ELMO2: variants seen among roughly 807,000 people sequenced by gnomAD.
ELMO2 encodes engulfment and cell motility protein 2.
In ELMO2, 37 loss-of-function variants were observed where a neutral mutation model predicts 96.2. That is an observed-to-expected ratio of 0.38 (90% CI 0.30 to 0.51). The LOEUF is 0.51. Among genes scored for constraint, ELMO2 ranks in the 20% least tolerant of loss-of-function variants. ELMO2 has a pLI of 0.88. For synonymous variants in ELMO2, 315 were observed against 329.4 expected (o/e 0.96, Z 0.47); for missense variants, 561 against 912.6 (o/e 0.61, Z 4.96).
At chr20:46,383,729 A>C (rs1600851522) in intron 9 of ELMO2, among the ~76,000 whole-genome samples, 1 of 152,230 alleles carries the variant, frequency 6.6e-6, no homozygotes, top group East Asian at 1.9e-4. Flanking sequence ...CGTTTCATTA[A>C]AGTACTACTT....
intron 1 of ELMO2, among the ~76,000 whole-genome samples, chr20:46,400,253 C>T (rs1600894118): frequency 6.6e-6 from 1 of 152,196 alleles, no homozygotes; most frequent in Non-Finnish European, 1.5e-5. Flanking sequence ...AAGAGGAAAA[C>T]CTCCCTCTGC....
chr20:46,383,932 T>TG (rs2059998927), intron 9 of ELMO2, among the ~76,000 whole-genome samples: 1 of 152,224 alleles, frequency 6.6e-6, no homozygotes, highest in African/African-American at 2.4e-5. Flanking sequence ...CTAAGTGGTA[T>TG]TTTTTCCAAA....
At chr20:46,376,437 TC>T (rs2059861000) in intron 11 of ELMO2, among the ~76,000 whole-genome samples, 1 of 151,786 alleles carries the variant, frequency 6.6e-6, no homozygotes, top group African/African-American at 2.4e-5. Context: ...TGACTCTCCC[TC>T]CCCACTGTCT....
intron 8 of ELMO2, among the ~76,000 whole-genome samples, chr20:46,387,067 G>A (rs561636377): frequency 1.3e-5 from 2 of 152,262 alleles, no homozygotes; most frequent in Middle Eastern, 3.4e-3. Flanking sequence ...TTGACTGGCT[G>A]GCTTTATCCC....
Position 46,389,107 on chromosome 20 carries a change from C to T in ELMO2, c.357G>A (p.Glu119=). 6.2e-7 allele frequency: 1 copy of T among 1,614,106 alleles called. No homozygotes were observed. Among genetic ancestry groups the T allele is most frequent in the South Asian group, 1.1e-5 (1 of 91,070 alleles). ...CAATGATGCCATCCATGTTGATGAA[C>T]TCAGTAGCGAAAGTCACGTCGGCAG... ...KLSADVTFAT[E]FINMDGIIVL... The change falls in exon 7 of 22, where the codon GAG becomes GAA. Residue 119 remains glutamate (E), a synonymous_variant. Coordinates refer to ENST00000290246, the MANE Select transcript of ELMO2 (RefSeq NM_133171.5).
chr20:46,400,329 A>G (rs2060314846), intron 1 of ELMO2, among the ~76,000 whole-genome samples: 1 of 152,264 alleles, frequency 6.6e-6, no homozygotes, highest in Admixed American at 6.5e-5. Flanking sequence ...TCTCCAGATA[A>G]TATTCCCAGG....
At chr20:46,402,053 T>C (rs762810416) in intron 1 of ELMO2, among the ~76,000 whole-genome samples, 1 of 152,184 alleles carries the variant, frequency 6.6e-6, no homozygotes, top group Non-Finnish European at 1.5e-5. Context: ...TTCAAGTGCA[T>C]GTTCAAGTCT....
rs984947650 is a variant in ELMO2, at chr20:46,368,877, G to A, written c.1962+14C>T. The A allele has an allele frequency of 3.7e-6, 6 of 1,613,902 alleles. No individual in the cohort carries two copies. The highest frequency in any genetic ancestry group is 1.1e-5 in the South Asian group (1 of 91,086). ...AAATAGCTCTGTTGTCTAAGGCAGC[G>A]CCACACTGCTCACCTCATATTTATT... On this transcript the variant is annotated intron_variant, in intron 21 of 21. Coordinates refer to ENST00000290246, the MANE Select transcript of ELMO2 (RefSeq NM_133171.5).
chr20:46,373,640 C>T, intron 15 of ELMO2, 105 bp from the exon 16 acceptor site: 1 of 1,445,062 alleles, frequency 6.9e-7, no homozygotes. Context: ...CAAAAGCAGC[C>T]TAAGGCGCGC....
In ELMO2 at chr20:46,383,607, A is replaced by G. The variant is rs2059993915; in HGVS notation, c.678-113T>C. ...AGATTATAAGCAAATAATGATCTGG[A>G]GCTCAGTCTCAAAAGCATTCAAAGT... On this transcript the variant is annotated intron_variant, in intron 9 of 21. Coordinates refer to ENST00000290246, the MANE Select transcript of ELMO2 (RefSeq NM_133171.5). 4.8e-6 allele frequency: 5 copies of G among 1,048,346 alleles called. No homozygotes were observed. The South Asian group carries it at 6.5e-5, about 14-fold the overall frequency. The allele number at this position is 1,048,346 out of a possible 1,614,324, so 64.9% of individuals were successfully genotyped here. A position where few individuals can be genotyped will look rare whatever the true frequency, so the allele number is the denominator to read the frequency against.
intron 11 of ELMO2, chr20:46,376,582 G>C: frequency 3.1e-6 from 4 of 1,272,176 alleles, no homozygotes; most frequent in Non-Finnish European, 4.1e-6. Flanking sequence ...GTCTCCCTCG[G>C]TCTGTCCTAG....
chr20:46,394,968 C>G (rs1420083054), intron 2 of ELMO2, among the ~76,000 whole-genome samples: 2 of 152,164 alleles, frequency 1.3e-5, no homozygotes, highest in African/African-American at 4.8e-5. Flanking sequence ...TAGGAAGATC[C>G]CAGCATCAGC....
chr20:46,387,607 G>A, intron 7 of ELMO2, 170 bp from the exon 8 acceptor site: 1 of 178,926 alleles, frequency 5.6e-6, no homozygotes, highest in African/African-American at 2.9e-5. Context: ...GTGTAGAGCA[G>A]ATTCAGCCCA....
At chr20:46,400,629 A>ATGAT (rs1232442247) in intron 1 of ELMO2, among the ~76,000 whole-genome samples, 11 of 152,262 alleles carry the variant, frequency 7.2e-5, no homozygotes, top group Admixed American at 4.6e-4. Context: ...AGATATAAGG[A>ATGAT]TGATTTGGAA....
At position 46,375,887 on chromosome 20, in the gene ELMO2, G is replaced by A; in HGVS notation, c.808-97C>T. On this transcript the variant is annotated intron_variant, in intron 11 of 21. Transcript: ENST00000290246. The surrounding 1 kb of genome is among the most constrained non-coding windows in gnomAD (Gnocchi z 4.6). ...GGAAAAGGAATGTATGTTGGGAAGG[G>A]AACAGAGCTTTCCTCCCACACACGA... 8 of 1,500,272 alleles carry A rather than the reference G, an allele frequency of 5.3e-6. No individual in the cohort carries two copies. Among genetic ancestry groups the A allele is most frequent in the Non-Finnish European group, 7.3e-6 (8 of 1,101,942 alleles). The allele number at this position is 1,500,272 out of a possible 1,614,324, so 92.9% of individuals were successfully genotyped here. A position where few individuals can be genotyped will look rare whatever the true frequency, so the allele number is the denominator to read the frequency against.
intron 6 of ELMO2, 121 bp from the exon 7 acceptor site, chr20:46,389,341 A>G: frequency 1.0e-6 from 1 of 1,002,088 alleles, no homozygotes. Flanking sequence ...GTTTTTTCAC[A>G]CAGCTTAGGA....
At chr20:46,374,682 C>T (rs903082342) in intron 13 of ELMO2, 42 bp from the exon 14 acceptor site, 22 of 1,579,780 alleles carry the variant, frequency 1.4e-5, no homozygotes, top group Middle Eastern at 1.7e-4. Context: ...CGGCAGTCTC[C>T]GTGTATGCAG....
rs1254966402 is a variant in ELMO2 at position 46,367,359 on chromosome 20, C to A, written c.*1G>T. ...GGGTACCGTCGTTTCTGGCTCCAGG[C>A]TCAGCCATAGTGATAGACAAAGTCA... On this transcript the variant is annotated 3_prime_UTR_variant, in exon 22 of 22. Coordinates refer to ENST00000290246, the MANE Select transcript of ELMO2 (RefSeq NM_133171.5). The A allele has an allele frequency of 2.0e-6, 3 of 1,523,894 alleles. No individual in the cohort carries two copies. The highest frequency in any genetic ancestry group is 2.4e-5 in the East Asian group (1 of 40,872). 94.4% of individuals were successfully genotyped at this position (1,523,894 alleles called of 1,614,324 possible).
intron 1 of ELMO2, among the ~76,000 whole-genome samples, chr20:46,404,180 C>G (rs2054121430): frequency 1.3e-5 from 2 of 152,268 alleles, no homozygotes; most frequent in East Asian, 1.9e-4. Flanking sequence ...TATCCAGGTC[C>G]TGGGACCAGA....
Sources: gnomAD v4.1 joint callset for allele counts (sites outside exome capture counted in the v4.1 genomes callset) on GRCh38, gnomAD v4.1.1 for gene constraint, Gnocchi (gnomAD v3.1) non-coding constraint, MANE v1.5 for transcripts, NCBI Gene and HGNC (gene_info 2026-07-23, HGNC 2026-07-21) for gene names.